MYO18B: variants seen among roughly 807,000 people sequenced by gnomAD.
The protein encoded by MYO18B is unconventional myosin-XVIIIb.
In MYO18B, 204 loss-of-function variants were observed where a neutral mutation model predicts 273.0. That is an observed-to-expected ratio of 0.75 (90% CI 0.67 to 0.84). The LOEUF is 0.84. Ranked by LOEUF, MYO18B falls within the 40% of genes least tolerant of loss-of-function variation. The pLI, the probability that MYO18B is intolerant of heterozygous loss-of-function variation, is 0.00. For synonymous variants in MYO18B, 1,330 were observed against 1,305.7 expected, an observed-to-expected ratio of 1.02 and a Z score of -0.40; for missense variants, 3,212 against 3,287.6, an observed-to-expected ratio of 0.98 and a Z score of 0.56.
At chr22:25,959,615 G>T (rs2092895788) in intron 39 of MYO18B, among the ~76,000 whole-genome samples, 1 of 152,194 alleles carries the variant, frequency 6.6e-6, no homozygotes. Flanking sequence ...GGGAGGGATA[G>T]AATACATTTC....
chr22:25,787,899 G>A (rs2087471248), intron 11 of MYO18B, among the ~76,000 whole-genome samples: 1 of 152,008 alleles, frequency 6.6e-6, no homozygotes, highest in Admixed American at 6.6e-5. Context: ...ATGAGCTTTG[G>A]CCCAAAATAT....
rs143899078 is a variant in MYO18B, at chr22:25,961,911, T to G, written c.6156+6547T>G. On this transcript the variant is annotated intron_variant, in intron 39 of 43. Transcript: ENST00000335473. ...GAGAAATGGCTGTTGAAAACAGCCT[T>G]CCACTTCCTCCTCTCTGTCTTGCTT... 4.7e-3 allele frequency among the ~76,000 whole-genome samples: 718 copies of G among 152,326 alleles called. 8 individuals carry two copies. The highest frequency in any genetic ancestry group is 0.021 in the South Asian group (101 of 4,822).
At chr22:26,020,454 G>A (rs979364133) in intron 42 of MYO18B, among the ~76,000 whole-genome samples, 2 of 152,138 alleles carry the variant, frequency 1.3e-5, no homozygotes, top group African/African-American at 4.8e-5. Flanking sequence ...CTCATACATA[G>A]GAATTGTTTA....
chr22:25,851,299 C>T (rs778167030), intron 20 of MYO18B, among the ~76,000 whole-genome samples, 171 bp from the exon 21 acceptor site: 2 of 152,142 alleles, frequency 1.3e-5, no homozygotes, highest in Non-Finnish European at 2.9e-5. Context: ...AATATAGTCT[C>T]TTAAATTAAC....
intron 11 of MYO18B, among the ~76,000 whole-genome samples, chr22:25,791,798 T>C (rs185578434): frequency 1.4e-4 from 21 of 152,330 alleles, no homozygotes; most frequent in Admixed American, 1.3e-3. Flanking sequence ...TGCCAGGGGC[T>C]CTGCCAGGAG....
intron 18 of MYO18B, among the ~76,000 whole-genome samples, chr22:25,845,792 G>A (rs2090223366): frequency 6.6e-6 from 1 of 152,220 alleles, no homozygotes; most frequent in African/African-American, 2.4e-5. Context: ...AGGTGTCGTA[G>A]CATTGCTGTA....
At position 25,876,274 on chromosome 22, in the gene MYO18B, G is replaced by T. The variant is rs752237650; in HGVS notation, c.4166G>T (p.Gly1389Val). 6.8e-6 allele frequency: 11 copies of T among 1,613,290 alleles called. No homozygotes were observed. The highest frequency in any genetic ancestry group is 9.3e-6 in the Non-Finnish European group (11 of 1,179,684). Reference sequence around the variant, plus strand: ...GACTGGCCATGGTGGCAGCTGCTTGGTTCCCTCCAGCCTCTACTTAGTGCC... The same window carrying T: ...GACTGGCCATGGTGGCAGCTGCTTGTTTCCCTCCAGCCTCTACTTAGTGCC... ...VKDWPWWQLL[G>V]SLQPLLSATI... The change falls in exon 24 of 44, where the codon GGT becomes GTT. Residue 1389 changes from glycine (G) to valine (V), a missense_variant. Physicochemically the swap from Gly to Val is moderately radical, Grantham distance 109 (BLOSUM62 -3). Coordinates refer to ENST00000335473, the MANE Select transcript of MYO18B (RefSeq NM_032608.7).
At chr22:25,776,751 A>G (rs1247819575) in intron 7 of MYO18B, among the ~76,000 whole-genome samples, 2 of 152,176 alleles carry the variant, frequency 1.3e-5, no homozygotes, top group African/African-American at 4.8e-5. Context: ...TTGTGAACAT[A>G]CATTTTGATT....
intron 34 of MYO18B, among the ~76,000 whole-genome samples, chr22:25,941,234 C>T (rs138665647): frequency 2.0e-5 from 3 of 152,264 alleles, no homozygotes; most frequent in Admixed American, 2.0e-4. Flanking sequence ...ATTGCAGGAC[C>T]TTCATCTCAC....
intron 21 of MYO18B, among the ~76,000 whole-genome samples, chr22:25,867,224 G>A (rs184063339): frequency 2.9e-4 from 44 of 151,230 alleles, no homozygotes; most frequent in African/African-American, 1.0e-3. Context: ...ACATCCATCT[G>A]CACAACGCTC....
chr22:26,046,395 G>C, the MYO18B span, among the ~76,000 whole-genome samples: 2 of 152,158 alleles, frequency 1.3e-5, no homozygotes, highest in Admixed American at 1.3e-4. Flanking sequence ...TTCTAAAGTG[G>C]GGCACCATGA....
chr22:25,751,864 G>A (rs1388577100), intron 1 of MYO18B, among the ~76,000 whole-genome samples: 1 of 152,156 alleles, frequency 6.6e-6, no homozygotes, highest in African/African-American at 2.4e-5. Context: ...TCTTCAGTCC[G>A]GTTTTAACCG....
At position 25,883,743 on chromosome 22, in the gene MYO18B, T is replaced by A. The variant is rs370525332; in HGVS notation, c.4314+5695T>A. 2.0e-5 allele frequency: 3 copies of A among 152,288 alleles called. No homozygotes were observed. The highest frequency in any genetic ancestry group is 7.2e-5 in the African/African-American group (3 of 41,570). 9.4% of individuals were successfully genotyped at this position (152,288 alleles called of 1,614,324 possible). A position where few individuals can be genotyped will look rare whatever the true frequency, so the allele number is the denominator to read the frequency against. ...GTAATATAAACATTGCTAAAACGTGTCGTGTCTCGTCAGTGAAAACTCCAT... is the reference window on the plus strand; with the variant it reads ...GTAATATAAACATTGCTAAAACGTGACGTGTCTCGTCAGTGAAAACTCCAT... On this transcript the variant is annotated intron_variant, in intron 25 of 43. Coordinates refer to ENST00000335473, the MANE Select transcript of MYO18B (RefSeq NM_032608.7). The surrounding 1 kb of genome is among the most constrained non-coding windows in gnomAD (Gnocchi z 7.6).
rs187801747 is a variant in MYO18B at position 25,898,021 on chromosome 22, A to G, written c.4669-286A>G. On this transcript the variant is annotated intron_variant, in intron 28 of 43. Transcript: ENST00000335473. Reference sequence around the variant, plus strand: ...AGGGGTCATCAAGTTGAGGCAGGGTAGGTAAAGTCTGTGGGTGCATTGGCT... The same window carrying G: ...AGGGGTCATCAAGTTGAGGCAGGGTGGGTAAAGTCTGTGGGTGCATTGGCT... 729 of 330,644 alleles carry G rather than the reference A, an allele frequency of 2.2e-3. 2 individuals are homozygous for G. The highest frequency in any genetic ancestry group is 2.5e-3 in the Non-Finnish European group (458 of 180,916). 20.5% of individuals were successfully genotyped at this position (330,644 alleles called of 1,614,324 possible).
chr22:25,950,331 G>T, intron 36 of MYO18B, 36 bp from the exon 37 acceptor site: 3 of 1,510,076 alleles, frequency 2.0e-6, no homozygotes, highest in South Asian at 1.2e-5. Flanking sequence ...GTGGACTCAG[G>T]GTGATATATA....
intron 17 of MYO18B, among the ~76,000 whole-genome samples, chr22:25,838,951 G>A (rs4822663): frequency 0.23 from 34,477 of 151,446 alleles, 4,772 homozygotes; most frequent in Admixed American, 0.3. Flanking sequence ...GTGTGTGTAT[G>A]TCTAGTTGTT....
At chr22:25,781,583 C>T (rs1048368099) in intron 9 of MYO18B, 151 bp from the exon 10 acceptor site, 4 of 358,058 alleles carry the variant, frequency 1.1e-5, no homozygotes, top group African/African-American at 7.1e-5. Context: ...GCACTCCAGC[C>T]TGGGCAACAG....
intron 28 of MYO18B, chr22:25,895,587 A>G (rs996367443): frequency 8.2e-6 from 2 of 243,284 alleles, no homozygotes; most frequent in African/African-American, 4.5e-5. Context: ...ACTTTAACTC[A>G]TGTTTCTTAT....
At chr22:25,942,734 A>G (rs1031353830) in intron 34 of MYO18B, among the ~76,000 whole-genome samples, 2 of 152,158 alleles carry the variant, frequency 1.3e-5, no homozygotes, top group Non-Finnish European at 2.9e-5. Flanking sequence ...TGCCTTGAAC[A>G]TGGTCCCCAA....
Sources: allele counts gnomAD v4.1 joint callset (sites outside exome capture counted in the v4.1 genomes callset), GRCh38; gene constraint gnomAD v4.1.1; non-coding constraint Gnocchi (gnomAD v3.1); transcripts MANE v1.5; gene names NCBI Gene and HGNC (gene_info 2026-07-23, HGNC 2026-07-21).